Variants in PTPRG observed in about 807,000 individuals in gnomAD.
The protein encoded by PTPRG is protein tyrosine phosphatase receptor type G.
A neutral mutation model predicts 165.3 loss-of-function variants in PTPRG; 102 were observed. The observed-to-expected ratio is 0.62, with a 90% confidence interval of 0.53 to 0.73. PTPRG has a LOEUF of 0.73. Ranked by LOEUF, PTPRG falls within the 30% of genes least tolerant of loss-of-function variation. The pLI, the probability that PTPRG is intolerant of heterozygous loss-of-function variation, is 0.00. For missense variants in PTPRG, 1,866 were observed against 1,861.4 expected, an observed-to-expected ratio of 1.00 and a Z score of -0.05; for synonymous variants, 675 against 669.5, an observed-to-expected ratio of 1.01 and a Z score of -0.13.
rs1702501969 is a variant in PTPRG, at chr3:62,282,777, C to T, written c.3963C>T (p.Asn1321=). 6.2e-7 allele frequency: 1 copy of T among 1,612,706 alleles called. No individual in the cohort carries two copies. The highest frequency in any genetic ancestry group is 8.5e-7 in the Non-Finnish European group (1 of 1,179,230). Reference sequence around the variant, plus strand: ...ACTTTCAGTGTCCCAAATGGCCTAACCCAGATGCCCCCATAAGTAGTACCT... The same window carrying T: ...ACTTTCAGTGTCCCAAATGGCCTAATCCAGATGCCCCCATAAGTAGTACCT... The part of the protein sequence containing the change: ...VRHFQCPKWP[N]PDAPISSTFE... Residue 1321 remains asparagine (N), a synonymous_variant, in exon 28 of 30, where the codon AAC becomes AAT. Transcript: ENST00000474889.
chr3:61,585,781 T>C (rs1323174170), intron 1 of PTPRG, among the ~76,000 whole-genome samples: 1 of 152,192 alleles, frequency 6.6e-6, no homozygotes, highest in Non-Finnish European at 1.5e-5. Flanking sequence ...ATTGCAAATA[T>C]TAAAACATCT....
chr3:62,067,113 C>G (rs536247524), intron 4 of PTPRG, among the ~76,000 whole-genome samples: 12 of 151,634 alleles, frequency 7.9e-5, no homozygotes, highest in East Asian at 1.9e-4. Flanking sequence ...GATCCTCCCC[C>G]TCAAGGTTCA....
At chr3:61,989,565 TATTC>T in intron 2 of PTPRG, 56 bp from the exon 3 acceptor site, 6 of 1,516,216 alleles carry the variant, frequency 4.0e-6, no homozygotes, top group Non-Finnish European at 5.4e-6. Context: ...TCCTAAGATT[TATTC>T]ATTTCATCCC....
intron 1 of PTPRG, among the ~76,000 whole-genome samples, chr3:61,720,860 A>G (rs570290076): frequency 6.6e-6 from 1 of 152,222 alleles, no homozygotes; most frequent in Non-Finnish European, 1.5e-5. Context: ...GTGGCAAAAC[A>G]CTGGCCATTA....
chr3:62,205,887 C>T (rs181335485), intron 12 of PTPRG, among the ~76,000 whole-genome samples: 15 of 152,224 alleles, frequency 9.9e-5, no homozygotes, highest in Admixed American at 2.0e-4. Context: ...CAGGCCTCTG[C>T]GTGGAGATGA....
intron 1 of PTPRG, among the ~76,000 whole-genome samples, chr3:61,737,593 T>G (rs1322655436): frequency 6.6e-6 from 1 of 152,096 alleles, no homozygotes; most frequent in Non-Finnish European, 1.5e-5. Flanking sequence ...TTCAAGTGGT[T>G]TCTTCAACCT....
intron 1 of PTPRG, among the ~76,000 whole-genome samples, chr3:61,717,145 T>G (rs1402081787): frequency 6.6e-6 from 1 of 152,226 alleles, no homozygotes; most frequent in Non-Finnish European, 1.5e-5. Context: ...GATTTTTATG[T>G]TTTTGAAGTC....
intron 1 of PTPRG, among the ~76,000 whole-genome samples, chr3:61,594,231 CA>C (rs753296949): frequency 3.0e-4 from 45 of 151,888 alleles, no homozygotes; most frequent in Admixed American, 1.4e-3. Flanking sequence ...GGTTTAAACA[CA>C]AAGAGAGGAT....
intron 7 of PTPRG, among the ~76,000 whole-genome samples, chr3:62,159,573 G>A (rs1368187015): frequency 6.6e-6 from 1 of 152,070 alleles, no homozygotes; most frequent in Non-Finnish European, 1.5e-5. Context: ...TGTAACTGGG[G>A]CTCTGAGAAA....
At chr3:62,258,266 G>T (rs1419776096) in intron 16 of PTPRG, among the ~76,000 whole-genome samples, 1 of 152,118 alleles carries the variant, frequency 6.6e-6, no homozygotes, top group African/African-American at 2.4e-5. Flanking sequence ...TTAACAACTG[G>T]ACATTAAGAG....
chr3:62,203,174 C>A lies in PTPRG; in HGVS notation c.1379C>A (p.Pro460His). ...QGTRIVKTGV[P>H]TASPASSADM... ...CCCTTGCCGGGTGACCCTTTCCAGC[C>A]CACAGCGTCTCCTGCCTCTTCAGCC... is the stretch of plus-strand genomic sequence containing the variant. The change falls in exon 12 of 30, where the codon CCC (proline) becomes CAC (histidine). Residue 460 changes from proline to histidine, a missense_variant and splice_region_variant. Physicochemically the swap from Pro to His is moderately conservative, Grantham distance 77 (BLOSUM62 -2). Coordinates refer to ENST00000474889, the MANE Select transcript of PTPRG (RefSeq NM_002841.4). This position sits in a 1 kb window ranked among gnomAD's most constrained non-coding sequence, Gnocchi z 6.4. 1 of 1,580,258 alleles carries A rather than the reference C, an allele frequency of 6.3e-7. No homozygotes were observed.
intron 2 of PTPRG, among the ~76,000 whole-genome samples, chr3:61,871,163 G>GTTATGTTATGTTATGTTA (rs2037566057): frequency 8.6e-6 from 1 of 116,582 alleles, no homozygotes; most frequent in Non-Finnish European, 1.8e-5. Flanking sequence ...GTGTTGTGTT[G>GTTATGTTATGTTATGTTA]TGTTATGTTA....
chr3:61,641,317 C>A (rs897739554), intron 1 of PTPRG, among the ~76,000 whole-genome samples: 3 of 152,192 alleles, frequency 2.0e-5, no homozygotes, highest in African/African-American at 7.2e-5. Context: ...GATGAAGTCC[C>A]TGTCCTTATG....
intron 28 of PTPRG, among the ~76,000 whole-genome samples, chr3:62,288,041 C>CAAAG (rs1304188680): frequency 6.7e-6 from 1 of 150,000 alleles, no homozygotes; most frequent in East Asian, 2.0e-4. Flanking sequence ...ATTCATGCAT[C>CAAAG]AAAGATGTAA....
chr3:61,959,024 G>C (rs868724246), intron 2 of PTPRG, among the ~76,000 whole-genome samples: 1 of 152,184 alleles, frequency 6.6e-6, no homozygotes, highest in African/African-American at 2.4e-5. Context: ...CTATCTTTCT[G>C]TCTCTTGGTC....
chr3:61,961,538 G>T (rs527758977), intron 2 of PTPRG, among the ~76,000 whole-genome samples: 1 of 152,116 alleles, frequency 6.6e-6, no homozygotes. Flanking sequence ...AGAAAGTTTA[G>T]GCACATCATT....
chr3:62,085,899 G>GT (rs1701737648), intron 5 of PTPRG, among the ~76,000 whole-genome samples: 1 of 152,226 alleles, frequency 6.6e-6, no homozygotes, highest in Non-Finnish European at 1.5e-5. Context: ...TTGAGGGACA[G>GT]TAAGTTTTCA....
At chr3:62,188,572 T>C (rs1029765951) in intron 8 of PTPRG, among the ~76,000 whole-genome samples, 1 of 152,184 alleles carries the variant, frequency 6.6e-6, no homozygotes, top group African/African-American at 2.4e-5. Context: ...TTTGTACTAC[T>C]TGGGTTCCTT....
At chr3:61,849,705 CAT>C (rs1202360531) in intron 2 of PTPRG, among the ~76,000 whole-genome samples, 1 of 152,152 alleles carries the variant, frequency 6.6e-6, no homozygotes, top group African/African-American at 2.4e-5. Flanking sequence ...AACAACTACA[CAT>C]AGAACAAATC....
Sources: allele counts gnomAD v4.1 joint callset (sites outside exome capture counted in the v4.1 genomes callset), GRCh38; gene constraint gnomAD v4.1.1; non-coding constraint Gnocchi (gnomAD v3.1); transcripts MANE v1.5; gene names NCBI Gene and HGNC (gene_info 2026-07-23, HGNC 2026-07-21).